The following NCAM1 variants were observed in gnomAD, a reference collection of about 807,000 sequenced individuals.
NCAM1 encodes neural cell adhesion molecule 1, also known as antigen recognized by monoclonal antibody 5.1H11.
A neutral mutation model predicts 109.8 loss-of-function variants in NCAM1; 14 were observed. The ratio of observed to expected loss-of-function variants is 0.13; its 90% CI spans 0.08 to 0.20. The LOEUF (loss-of-function observed/expected upper bound fraction) is 0.20, where lower values mean the gene tolerates loss of function less well. Among genes scored for constraint, NCAM1 ranks in the 10% least tolerant of loss-of-function variants. The probability of loss-of-function intolerance (pLI) is 1.00; values close to 1 mark genes in which losing one functional copy is unlikely to be tolerated. For missense variants in NCAM1, 774 were observed against 1,109.9 expected, an observed-to-expected ratio of 0.70 and a Z score of 4.30; for synonymous variants, 418 against 442.9, an observed-to-expected ratio of 0.94 and a Z score of 0.70.
chr11:113,055,978 G>GATAGAT (rs1953684142), intron 1 of NCAM1, among the ~76,000 whole-genome samples: 1 of 60,048 alleles, frequency 1.7e-5, no homozygotes, highest in African/African-American at 6.0e-5. Context: ...AAGAAAATGT[G>GATAGAT]ATATATATAT....
rs17115157 is a variant in NCAM1 at position 113,207,393 on chromosome 11, C to T, written c.746+15C>T. 2,419 of 1,596,228 alleles carry T rather than the reference C, an allele frequency of 1.5e-3. 4 individuals carry two copies. The highest frequency in any genetic ancestry group is 1.8e-3 in the Middle Eastern group (11 of 6,014). On this transcript the variant is annotated intron_variant, in intron 6 of 19. Transcript: ENST00000316851. ...AGCTGGACAAAGTAAGAAACTGGCT[C>T]ATACCTTTTATCATGGACTAGAGGA...
intron 1 of NCAM1, among the ~76,000 whole-genome samples, chr11:113,183,512 A>G (rs1354894138): frequency 1.3e-5 from 2 of 152,358 alleles, no homozygotes; most frequent in African/African-American, 2.4e-5. Flanking sequence ...TATAAAACCA[A>G]CTACAAGGCA....
intron 1 of NCAM1, among the ~76,000 whole-genome samples, chr11:113,003,226 C>G (rs1261188927): frequency 6.6e-6 from 1 of 152,244 alleles, no homozygotes; most frequent in Non-Finnish European, 1.5e-5. Context: ...CTCTCTCACT[C>G]TGTGTGTTAG....
Position 113,150,027 on chromosome 11 carries a change from C to T in NCAM1, c.53-52352C>T, listed in dbSNP as rs375750379. 3.2e-3 allele frequency among the ~76,000 whole-genome samples: 483 copies of T among 151,940 alleles called. 2 individuals are homozygous for T. Among genetic ancestry groups the T allele is most frequent in the African/African-American group, 0.011 (467 of 41,434 alleles). Reference sequence around the variant, plus strand: ...ATGAAAATGATCAAAAAGTGGGCAGCGGGGAAAATCAAGGCAGCAGTGTAC... The same window carrying T: ...ATGAAAATGATCAAAAAGTGGGCAGTGGGGAAAATCAAGGCAGCAGTGTAC... On this transcript the variant is annotated intron_variant, in intron 1 of 19. Transcript: ENST00000316851.
chr11:113,099,697 T>G (rs1196360492), intron 1 of NCAM1, among the ~76,000 whole-genome samples: 1 of 152,156 alleles, frequency 6.6e-6, no homozygotes, highest in African/African-American at 2.4e-5. Flanking sequence ...TTTTATTTAT[T>G]ATCATTTTTG....
chr11:113,240,222 T>C (rs1555118902), intron 14 of NCAM1, among the ~76,000 whole-genome samples: 1 of 152,216 alleles, frequency 6.6e-6, no homozygotes, highest in African/African-American at 2.4e-5. Context: ...ATCTGTATGA[T>C]ACAGGATCAT....
At chr11:113,240,620 C>A (rs949793149) in intron 14 of NCAM1, 34 of 675,710 alleles carry the variant, frequency 5.0e-5, no homozygotes, top group Non-Finnish European at 1.3e-5. Context: ...CCCTGCTCCT[C>A]GCTAGTGCCC....
chr11:112,999,858 A>G (rs1951695740), intron 1 of NCAM1, among the ~76,000 whole-genome samples: 1 of 152,194 alleles, frequency 6.6e-6, no homozygotes, highest in Non-Finnish European at 1.5e-5. Flanking sequence ...TACCTTTGTC[A>G]TTGCTCACTG....
chr11:113,217,741 G>T (rs1555114603), intron 8 of NCAM1, among the ~76,000 whole-genome samples: 1 of 152,128 alleles, frequency 6.6e-6, no homozygotes, highest in African/African-American at 2.4e-5. Context: ...CGATATTGCA[G>T]AATTTTATAT....
At chr11:113,236,547 G>C (rs1945172832) in intron 14 of NCAM1, among the ~76,000 whole-genome samples, 1 of 152,112 alleles carries the variant, frequency 6.6e-6, no homozygotes, top group Admixed American at 6.5e-5. Context: ...CTGTGTCTTT[G>C]GAAATTGTGC....
intron 16 of NCAM1, 171 bp from the exon 17 acceptor site, chr11:113,259,975 G>C (rs1294456399): frequency 1.7e-6 from 1 of 574,396 alleles, no homozygotes; most frequent in East Asian, 3.2e-5. Context: ...AGGTGGCTAG[G>C]ATTATAGGCA....
chr11:113,268,760 C>A (rs1946197794), intron 17 of NCAM1, among the ~76,000 whole-genome samples: 1 of 152,308 alleles, frequency 6.6e-6, no homozygotes, highest in East Asian at 1.9e-4. Flanking sequence ...GTTACATGTT[C>A]CCTCCACTAT....
chr11:113,275,052 A>C (rs1946372658), intron 19 of NCAM1, among the ~76,000 whole-genome samples: 1 of 152,190 alleles, frequency 6.6e-6, no homozygotes, highest in African/African-American at 2.4e-5. Context: ...TTTAAAAGTC[A>C]CTGTGTCCGG....
chr11:113,261,419 A>C (rs1945994327), intron 17 of NCAM1, among the ~76,000 whole-genome samples: 1 of 152,102 alleles, frequency 6.6e-6, no homozygotes, highest in African/African-American at 2.4e-5. Flanking sequence ...CTGGACCTCC[A>C]GTGAGTTGGC....
intron 1 of NCAM1, among the ~76,000 whole-genome samples, chr11:112,983,894 T>G (rs947439901): frequency 2.6e-5 from 4 of 151,984 alleles, no homozygotes; most frequent in Non-Finnish European, 5.9e-5. Context: ...ATGTATGTAT[T>G]TATTTATTGT....
chr11:113,227,863 G>T (rs1254010263), intron 9 of NCAM1, among the ~76,000 whole-genome samples: 2 of 152,106 alleles, frequency 1.3e-5, no homozygotes, highest in Non-Finnish European at 2.9e-5. Flanking sequence ...TGCAGAAAAG[G>T]CCTTTGATAA....
chr11:113,244,308 G>T (rs1171031065), intron 14 of NCAM1, among the ~76,000 whole-genome samples: 3 of 152,162 alleles, frequency 2.0e-5, no homozygotes, highest in Non-Finnish European at 2.9e-5. Context: ...TCTCTCCCCT[G>T]ACATGTCTTT....
intron 1 of NCAM1, among the ~76,000 whole-genome samples, chr11:113,098,460 T>TC (rs782608556): frequency 7.6e-6 from 1 of 131,392 alleles, no homozygotes; most frequent in African/African-American, 2.9e-5. Flanking sequence ...TGTATTATTA[T>TC]TATTTTTTCA....
At chr11:113,067,472 C>CT (rs1172911773) in intron 1 of NCAM1, among the ~76,000 whole-genome samples, 1 of 152,174 alleles carries the variant, frequency 6.6e-6, no homozygotes, top group Non-Finnish European at 1.5e-5. Context: ...GACAAATTGT[C>CT]TTTTTGAATT....
Sources: gnomAD v4.1 joint callset for allele counts (sites outside exome capture counted in the v4.1 genomes callset) on GRCh38, gnomAD v4.1.1 for gene constraint, MANE v1.5 for transcripts, NCBI Gene and HGNC (gene_info 2026-07-23, HGNC 2026-07-21) for gene names.